Variants in NPEPPS observed in about 807,000 individuals in gnomAD.
NPEPPS encodes aminopeptidase puromycin sensitive, also known as puromycin-sensitive aminopeptidase.
In NPEPPS, 14 loss-of-function variants were observed where a neutral mutation model predicts 115.5. That is an observed-to-expected ratio of 0.12 (90% CI 0.08 to 0.19). NPEPPS has a LOEUF of 0.19. NPEPPS is among the 10% of genes least tolerant of loss of function. The pLI, the probability that NPEPPS is intolerant of heterozygous loss-of-function variation, is 1.00. For missense variants in NPEPPS, 523 were observed against 1,110.8 expected, an observed-to-expected ratio of 0.47 and a Z score of 7.52; for synonymous variants, 285 against 390.6, an observed-to-expected ratio of 0.73 and a Z score of 3.19.
At chr17:47,601,899 CAGA>C in intron 15 of NPEPPS, 152 bp downstream of exon 15, 2 of 740,554 alleles carry the variant, frequency 2.7e-6, no homozygotes, top group Admixed American at 3.1e-5. Flanking sequence ...TAGTATTGTC[CAGA>C]CATTTGTCCT....
At chr17:47,528,283 C>T (rs1907520535), upstream of NPEPPS, among the ~76,000 whole-genome samples, 1 of 151,922 alleles carries the variant, frequency 6.6e-6, no homozygotes, top group Non-Finnish European at 1.5e-5. Context: ...GCCTGGGTGA[C>T]AGAGGAGACT....
chr17:47,548,192 G>A (rs909267304), intron 2 of NPEPPS: 3 of 152,132 alleles, frequency 2.0e-5, no homozygotes, highest in African/African-American at 7.2e-5. Flanking sequence ...TCTATAGAAA[G>A]TCAAAGTAGT....
At chr17:47,596,125 C>A (rs1912862473) in intron 12 of NPEPPS, 1 of 374,732 alleles carries the variant, frequency 2.7e-6, no homozygotes, top group Non-Finnish European at 4.9e-6. Context: ...TGCACTCTAG[C>A]CTGGGTGATG....
At chr17:47,607,091 G>T (rs1913563354) in intron 17 of NPEPPS, among the ~76,000 whole-genome samples, 1 of 152,032 alleles carries the variant, frequency 6.6e-6, no homozygotes, top group Non-Finnish European at 1.5e-5. Context: ...TACTCGGGAG[G>T]CTGAGGCAGA....
chr17:47,589,624 A>C (rs887866307), intron 9 of NPEPPS, among the ~76,000 whole-genome samples: 1 of 152,144 alleles, frequency 6.6e-6, no homozygotes, highest in African/African-American at 2.4e-5. Context: ...AGATCTTTCA[A>C]ATTTTTTTAA....
chr17:47,611,978 A>G (rs1224104894), intron 17 of NPEPPS, among the ~76,000 whole-genome samples: 2 of 152,188 alleles, frequency 1.3e-5, no homozygotes, highest in Admixed American at 6.5e-5. Flanking sequence ...CCTAATGACT[A>G]ATGTGTTAAA....
At chr17:47,568,866 G>A (rs1043750606) in intron 2 of NPEPPS, among the ~76,000 whole-genome samples, 1 of 150,888 alleles carries the variant, frequency 6.6e-6, no homozygotes, top group Non-Finnish European at 1.5e-5. Flanking sequence ...TGTTGGTCAG[G>A]CTGGTCTTGA....
In NPEPPS at chr17:47,531,258, C is replaced by T. The variant is rs776066836; in HGVS notation, c.-43C>T. 4.4e-5 allele frequency: 65 copies of T among 1,483,862 alleles called. 1 individual carries two copies. The South Asian group carries it at 8.4e-4, about 19-fold the overall frequency. 91.9% of individuals were successfully genotyped at this position (1,483,862 alleles called of 1,614,324 possible). A position where few individuals can be genotyped will look rare whatever the true frequency, so the allele number is the denominator to read the frequency against. ...CTGGGTCTCTCCCCCGCCCCCCAGG[C>T]TCCCCCGGTCGCTCTCCTCCGGCGG... is the stretch of plus-strand genomic sequence containing the variant. On this transcript the variant is annotated 5_prime_UTR_variant, in exon 1 of 23. Coordinates refer to ENST00000322157, the MANE Select transcript of NPEPPS (RefSeq NM_006310.4).
At chr17:47,611,467 A>AAT (rs1423654899) in intron 17 of NPEPPS, among the ~76,000 whole-genome samples, 1 of 151,362 alleles carries the variant, frequency 6.6e-6, no homozygotes, top group East Asian at 2.0e-4. Flanking sequence ...TCAAAAAAAA[A>AAT]AAAAAAAGAG....
Position 47,606,689 on chromosome 17 carries a change from C to T in NPEPPS, c.2095+1137C>T, listed in dbSNP as rs147928616. Among the ~76,000 whole-genome samples the T allele has an allele frequency of 7.8e-3, 1,171 of 150,478 alleles. 7 individuals are homozygous for T. Among genetic ancestry groups the T allele is most frequent in the Middle Eastern group, 0.014 (4 of 294 alleles). On this transcript the variant is annotated intron_variant, in intron 17 of 22. Transcript: ENST00000322157. ...AACTCTGGGCCTCAAGTGATCTGCC[C>T]GTCTCGGCCGCCCAAAGTGCTGTAT...
intron 20 of NPEPPS, 72 bp downstream of exon 20, chr17:47,618,529 C>G (rs1914352186): frequency 9.3e-7 from 1 of 1,076,324 alleles, no homozygotes; most frequent in African/African-American, 1.6e-5. Flanking sequence ...TGATTCAGCT[C>G]TGATCCTCTT....
rs749090834 is a variant in NPEPPS, at chr17:47,587,195, T to G, written c.981-35T>G. The stretch of plus-strand genomic sequence containing the variant: ...ACTTATGCATGCCCACTTTTATTGT[T>G]TAAATTTGTTTCTTTTTTTTTTTTT... On this transcript the variant is annotated intron_variant, in intron 8 of 22. Coordinates refer to ENST00000322157, the MANE Select transcript of NPEPPS (RefSeq NM_006310.4). 2.6e-6 allele frequency: 4 copies of G among 1,524,916 alleles called. No individual in the cohort carries two copies. In the East Asian group the frequency reaches 9.6e-5, roughly 37 times the overall value. The allele number at this position is 1,524,916 out of a possible 1,614,324, so 94.5% of individuals were successfully genotyped here.
upstream of NPEPPS, among the ~76,000 whole-genome samples, chr17:47,527,213 T>G (rs1354866503): frequency 6.6e-6 from 1 of 152,188 alleles, no homozygotes; most frequent in African/African-American, 2.4e-5. Flanking sequence ...CCAGGCATAG[T>G]GGCTCACACT....
chr17:47,607,312 G>A (rs1368096182), intron 17 of NPEPPS, among the ~76,000 whole-genome samples: 1 of 152,182 alleles, frequency 6.6e-6, no homozygotes, highest in East Asian at 1.9e-4. Flanking sequence ...GACATGGAGA[G>A]AGTTTTGAGG....
chr17:47,592,735 C>G lies in NPEPPS; in HGVS notation c.1426+190C>G, dbSNP rs185079619. 9.1e-5 allele frequency: 48 copies of G among 527,218 alleles called. No homozygotes were observed. In the Admixed American group the frequency reaches 9.7e-4, roughly 11 times the overall value. The allele number at this position is 527,218 out of a possible 1,614,324, so 32.7% of individuals were successfully genotyped here. A position where few individuals can be genotyped will look rare whatever the true frequency, so the allele number is the denominator to read the frequency against. The stretch of plus-strand genomic sequence containing the variant: ...TCTGAAATTTGAAATGCTCCAGAAT[C>G]TGAAACTTTTTCTTTCCTTTCTTTC... On this transcript the variant is annotated intron_variant, in intron 12 of 22. Transcript: ENST00000322157.
At chr17:47,594,216 TTGAGTGAGTGG>T (rs1912695835) in intron 12 of NPEPPS, among the ~76,000 whole-genome samples, 1 of 152,294 alleles carries the variant, frequency 6.6e-6, no homozygotes, top group African/African-American at 2.4e-5. Flanking sequence ...GTTGTTCTAG[TTGAGTGAGTGG>T]TGAGTGAATA....
chr17:47,601,931 G>C, intron 15 of NPEPPS, 184 bp downstream of exon 15: 1 of 596,176 alleles, frequency 1.7e-6, no homozygotes, highest in South Asian at 2.1e-5. Flanking sequence ...GGAAGGTAGT[G>C]GTAGAGAAGC....
At chr17:47,572,781 T>A (rs112494622) in intron 3 of NPEPPS, among the ~76,000 whole-genome samples, 3 of 152,228 alleles carry the variant, frequency 2.0e-5, no homozygotes, top group Non-Finnish European at 4.4e-5. Flanking sequence ...AGGATTTTTT[T>A]ATTTTCATTT....
At chr17:47,544,145 C>T (rs1180203901) in intron 1 of NPEPPS, among the ~76,000 whole-genome samples, 5 of 152,228 alleles carry the variant, frequency 3.3e-5, no homozygotes, top group South Asian at 4.1e-4. Flanking sequence ...CCGCCTGCCT[C>T]GGCCTCCCAA....
Sources: allele counts gnomAD v4.1 joint callset (sites outside exome capture counted in the v4.1 genomes callset), GRCh38; gene constraint gnomAD v4.1.1; transcripts MANE v1.5; gene names NCBI Gene and HGNC (gene_info 2026-07-23, HGNC 2026-07-21).